Variants in SNRK observed in about 807,000 individuals in gnomAD.
SNRK encodes the protein SNF related kinase.
Under a neutral mutation model 48.2 loss-of-function variants are expected in SNRK, and 3 were observed. The observed-to-expected ratio is 0.06, with a 90% confidence interval of 0.03 to 0.16. The LOEUF (loss-of-function observed/expected upper bound fraction) is 0.16. Ranked by LOEUF, SNRK falls within the 10% of genes least tolerant of loss-of-function variation. SNRK has a pLI of 1.00. For missense variants in SNRK, 627 were observed against 976.0 expected, an observed-to-expected ratio of 0.64 and a Z score of 4.76; for synonymous variants, 376 against 366.1, an observed-to-expected ratio of 1.03 and a Z score of -0.31.
rs2090910155 is a variant in SNRK at position 43,303,060 on chromosome 3, C to T, written c.-106-38C>T. On this transcript the variant is annotated intron_variant, in intron 2 of 6. Coordinates refer to ENST00000296088, the MANE Select transcript of SNRK (RefSeq NM_017719.5). The surrounding 1 kb of genome is among the most constrained non-coding windows in gnomAD (Gnocchi z 6.2). ...GATTTTAAAGTTTGTGAAGAAAAGT[C>T]GCAGAAACTTAATTTTGTTTCTCTT... 3 of 525,786 alleles carry T rather than the reference C, an allele frequency of 5.7e-6. No individual in the cohort carries two copies. The highest frequency in any genetic ancestry group is 4.8e-5 in the South Asian group (1 of 20,810). The allele number at this position is 525,786 out of a possible 1,614,324, so 32.6% of individuals were successfully genotyped here.
intron 1 of SNRK, among the ~76,000 whole-genome samples, chr3:43,291,027 A>T (rs1349450919): frequency 6.6e-6 from 1 of 152,122 alleles, no homozygotes; most frequent in Non-Finnish European, 1.5e-5. Context: ...CTGTATGTGC[A>T]TGGAGTTGGG....
intron 3 of SNRK, among the ~76,000 whole-genome samples, chr3:43,314,773 C>T (rs1055338925): frequency 2.0e-5 from 3 of 151,990 alleles, no homozygotes; most frequent in Non-Finnish European, 2.9e-5. Context: ...AGTCAGGCCT[C>T]GTAGTGTGTG....
At chr3:43,338,780 A>C (rs2091210437) in intron 4 of SNRK, among the ~76,000 whole-genome samples, 1 of 151,940 alleles carries the variant, frequency 6.6e-6, no homozygotes, top group Non-Finnish European at 1.5e-5. Flanking sequence ...TACACTGATT[A>C]TTTTTCATTT....
chr3:43,343,161 T>G, intron 5 of SNRK, 183 bp from the exon 6 acceptor site: 1 of 683,208 alleles, frequency 1.5e-6, no homozygotes, highest in Non-Finnish European at 2.3e-6. Context: ...TGCAGTTGTT[T>G]TTAGAACTTT....
intron 2 of SNRK, 139 bp from the exon 3 acceptor site, chr3:43,302,959 A>G (rs1390955128): frequency 2.6e-6 from 1 of 379,170 alleles, no homozygotes; most frequent in Non-Finnish European, 4.7e-6. Flanking sequence ...GGTTTTATTA[A>G]TGACCCTGAC....
intron 3 of SNRK, among the ~76,000 whole-genome samples, chr3:43,331,041 AT>A (rs2091142463): frequency 6.6e-6 from 1 of 152,252 alleles, no homozygotes; most frequent in Admixed American, 6.5e-5. Context: ...GGGAAATAAC[AT>A]GGAACCTACA....
intron 3 of SNRK, among the ~76,000 whole-genome samples, chr3:43,307,452 C>A (rs1296767804): frequency 6.6e-6 from 1 of 152,154 alleles, no homozygotes; most frequent in Non-Finnish European, 1.5e-5. Context: ...TTCTTGGCAC[C>A]ATTTTTGCAA....
At chr3:43,317,635 T>C (rs1327803814) in intron 3 of SNRK, among the ~76,000 whole-genome samples, 1 of 152,160 alleles carries the variant, frequency 6.6e-6, no homozygotes, top group Non-Finnish European at 1.5e-5. Context: ...TCCTGGTTGC[T>C]CCTTCGGCTC....
intron 3 of SNRK, among the ~76,000 whole-genome samples, chr3:43,306,664 C>T (rs549358396): frequency 1.3e-5 from 2 of 152,156 alleles, no homozygotes; most frequent in African/African-American, 4.8e-5. Context: ...GACAATTTGG[C>T]AATATCTGAT....
intron 5 of SNRK, among the ~76,000 whole-genome samples, chr3:43,341,985 G>A (rs1334193425): frequency 3.3e-5 from 5 of 152,234 alleles, no homozygotes; most frequent in Admixed American, 2.0e-4. Flanking sequence ...AACATGTGGT[G>A]GAGACGGGAC....
chr3:43,339,821 ATATATATATATATAT>A (rs2091220074), intron 4 of SNRK, among the ~76,000 whole-genome samples: 1 of 2,622 alleles, frequency 3.8e-4, no homozygotes, highest in Non-Finnish European at 6.8e-4. Flanking sequence ...TTTCCAAAAT[ATATATATATATATAT>A]ATATATATAT....
chr3:43,291,319 T>A (rs916185949), intron 1 of SNRK, among the ~76,000 whole-genome samples: 1 of 152,132 alleles, frequency 6.6e-6, no homozygotes, highest in African/African-American at 2.4e-5. Flanking sequence ...CAAGGCAGAT[T>A]TAGGAGAAAA....
In SNRK at chr3:43,349,726, C is replaced by T. The variant is rs1282374391; in HGVS notation, c.*1169C>T. ...AATAATCAAAGAACTCTTGCTTTAA[C>T]CTATTCCTGTACAAAGACTGTTTTT... On this transcript the variant is annotated 3_prime_UTR_variant, in exon 7 of 7. Coordinates refer to ENST00000296088, the MANE Select transcript of SNRK (RefSeq NM_017719.5). The T allele has an allele frequency of 1.3e-5, 2 of 152,198 alleles. No individual in the cohort carries two copies. Among genetic ancestry groups the T allele is most frequent in the Admixed American group, 6.5e-5 (1 of 15,284 alleles). 9.4% of individuals were successfully genotyped at this position (152,198 alleles called of 1,614,324 possible).
chr3:43,320,634 C>T lies in SNRK; in HGVS notation c.590-11535C>T, dbSNP rs373341261. The stretch of plus-strand genomic sequence containing the variant: ...ATGAGACGTATTAAATGTTAGTCAA[C>T]GCCAAGCTTGTATTGTATCAGAGTA... On this transcript the variant is annotated intron_variant, in intron 3 of 6. Transcript: ENST00000296088. Among the ~76,000 whole-genome samples the T allele has an allele frequency of 2.0e-5, 3 of 151,846 alleles. No homozygotes were observed. In the East Asian group the frequency reaches 5.8e-4, roughly 29 times the overall value.
rs1242459529 is a variant in SNRK, at chr3:43,349,761, A to G, written c.*1204A>G. ...TACAAAGACTGTTTTTGACCAGATAATCATCTGTTGTGGCATTCTATCTTG... is the reference window on the plus strand; with the variant it reads ...TACAAAGACTGTTTTTGACCAGATAGTCATCTGTTGTGGCATTCTATCTTG... On this transcript the variant is annotated 3_prime_UTR_variant, in exon 7 of 7. Transcript: ENST00000296088. 6.6e-6 allele frequency: 1 copy of G among 152,218 alleles called. No individual in the cohort carries two copies. Among genetic ancestry groups the G allele is most frequent in the Non-Finnish European group, 1.5e-5 (1 of 68,038 alleles). 9.4% of individuals were successfully genotyped at this position (152,218 alleles called of 1,614,324 possible).
At chr3:43,313,280 T>G (rs1043677826) in intron 3 of SNRK, among the ~76,000 whole-genome samples, 1 of 152,198 alleles carries the variant, frequency 6.6e-6, no homozygotes, top group Non-Finnish European at 1.5e-5. Flanking sequence ...CATAGCAGTT[T>G]TATTTATAAT....
chr3:43,329,786 T>C (rs889196341), intron 3 of SNRK, among the ~76,000 whole-genome samples: 1 of 152,228 alleles, frequency 6.6e-6, no homozygotes, highest in African/African-American at 2.4e-5. Context: ...CAAATCATCC[T>C]GAAGAGAAAA....
intron 3 of SNRK, among the ~76,000 whole-genome samples, chr3:43,318,164 G>T (rs1019907312): frequency 1.3e-5 from 2 of 152,112 alleles, no homozygotes; most frequent in African/African-American, 4.8e-5. Flanking sequence ...TTGGAAATTT[G>T]TCCTCGGGAA....
At chr3:43,316,365 G>A (rs920755151) in intron 3 of SNRK, among the ~76,000 whole-genome samples, 1 of 151,066 alleles carries the variant, frequency 6.6e-6, no homozygotes, top group Non-Finnish European at 1.5e-5. Context: ...AAATACCTAT[G>A]TTGCCTGGGC....
Sources: allele counts gnomAD v4.1 joint callset (sites outside exome capture counted in the v4.1 genomes callset), GRCh38; gene constraint gnomAD v4.1.1; non-coding constraint Gnocchi (gnomAD v3.1); transcripts MANE v1.5; gene names NCBI Gene and HGNC (gene_info 2026-07-23, HGNC 2026-07-21).